RGL1: variants seen among roughly 807,000 people sequenced by gnomAD.
RGL1 encodes the protein ral guanine nucleotide dissociation stimulator like 1, also known as ral guanine nucleotide dissociation stimulator-like 1.
RGL1 carries 24 observed loss-of-function variants against 95.2 expected under a neutral mutation model. The observed-to-expected ratio is 0.25, with a 90% confidence interval of 0.18 to 0.35. The LOEUF (loss-of-function observed/expected upper bound fraction) is 0.35, where lower values mean the gene tolerates loss of function less well. Ranked by LOEUF, RGL1 falls within the 10% of genes least tolerant of loss-of-function variation. RGL1 has a pLI of 1.00. For synonymous variants in RGL1, 329 were observed against 344.9 expected (o/e 0.95, Z 0.51); for missense variants, 715 against 936.3 (o/e 0.76, Z 3.08).
chr1:183,679,114 G>A (rs1057479677), intron 1 of RGL1, among the ~76,000 whole-genome samples: 1 of 152,164 alleles, frequency 6.6e-6, no homozygotes, highest in African/African-American at 2.4e-5. Context: ...TGAGGGTCAG[G>A]TTGCTTCAGC....
intron 2 of RGL1, among the ~76,000 whole-genome samples, chr1:183,842,075 G>A (rs1664095502): frequency 6.6e-6 from 1 of 152,154 alleles, no homozygotes; most frequent in Admixed American, 6.5e-5. Flanking sequence ...TGAAAAGGAA[G>A]CATAAAACTT....
At chr1:183,650,312 G>A (rs895690115) in intron 1 of RGL1, among the ~76,000 whole-genome samples, 1 of 152,134 alleles carries the variant, frequency 6.6e-6, no homozygotes, top group Non-Finnish European at 1.5e-5. Flanking sequence ...GGGAGGCCAG[G>A]GTGGGCGGAT....
At chr1:183,838,572 A>G (rs1393429008) in intron 2 of RGL1, among the ~76,000 whole-genome samples, 1 of 152,186 alleles carries the variant, frequency 6.6e-6, no homozygotes, top group South Asian at 2.1e-4. Context: ...TTGGTTTGTC[A>G]TACACATGCC....
chr1:183,862,685 CAGAGGCA>C (rs1665581869), intron 3 of RGL1, among the ~76,000 whole-genome samples: 1 of 152,206 alleles, frequency 6.6e-6, no homozygotes, highest in African/African-American at 2.4e-5. Context: ...GATGCCTTTG[CAGAGGCA>C]AATCTGAACC....
At chr1:183,684,555 C>T (rs1035579394) in intron 1 of RGL1, among the ~76,000 whole-genome samples, 2 of 152,126 alleles carry the variant, frequency 1.3e-5, no homozygotes, top group East Asian at 1.9e-4. Flanking sequence ...TGAGCTAGAC[C>T]ATTTGCCTCC....
intron 3 of RGL1, among the ~76,000 whole-genome samples, chr1:183,852,330 A>G (rs3002649): frequency 0.8 from 121,391 of 152,120 alleles, 48,584 homozygotes; most frequent in Middle Eastern, 0.88. Flanking sequence ...AGCTAATTCC[A>G]TGTGTTTGCT....
intron 1 of RGL1, among the ~76,000 whole-genome samples, chr1:183,732,254 C>T (rs1443570278): frequency 6.6e-6 from 1 of 151,862 alleles, no homozygotes; most frequent in African/African-American, 2.4e-5. Context: ...TGGGAAATAG[C>T]AAGGTCAATC....
At chr1:183,683,874 T>C (rs1653388266) in intron 1 of RGL1, among the ~76,000 whole-genome samples, 1 of 152,196 alleles carries the variant, frequency 6.6e-6, no homozygotes, top group Non-Finnish European at 1.5e-5. Flanking sequence ...CTTTTCATTC[T>C]GTTTTCTCTA....
At chr1:183,662,326 C>G (rs1217039643) in intron 1 of RGL1, among the ~76,000 whole-genome samples, 2 of 151,422 alleles carry the variant, frequency 1.3e-5, no homozygotes, top group African/African-American at 2.4e-5. Flanking sequence ...TGTCTCAGCC[C>G]AAAATCTCCT....
At chr1:183,742,280 G>C in exon 2 of RGL1, 1 of 1,614,060 alleles carries the variant, frequency 6.2e-7, no homozygotes, top group Non-Finnish European at 8.5e-7. Context: ...AAGTTTTAAA[G>C]ACAGAGGAGG....
chr1:183,794,073 CA>C (rs1660573022), intron 2 of RGL1, among the ~76,000 whole-genome samples: 1 of 151,722 alleles, frequency 6.6e-6, no homozygotes. Flanking sequence ...CACACACACA[CA>C]CACACACACA....
At chr1:183,659,654 C>A (rs1226616248) in intron 1 of RGL1, among the ~76,000 whole-genome samples, 2 of 152,120 alleles carry the variant, frequency 1.3e-5, no homozygotes, top group African/African-American at 4.8e-5. Flanking sequence ...TCCAGGAGAA[C>A]TTCCCCAATC....
chr1:183,785,208 C>T (rs1660097462), intron 2 of RGL1, among the ~76,000 whole-genome samples: 2 of 152,348 alleles, frequency 1.3e-5, no homozygotes, highest in South Asian at 4.1e-4. Flanking sequence ...CCCCCACCCT[C>T]TTTGTCATCT....
exon 1 of RGL1, chr1:183,636,459 C>T (rs1649538547): frequency 3.1e-6 from 1 of 320,596 alleles, no homozygotes. Context: ...TCTGTCAGTG[C>T]TGTGTGACAG....
At chr1:183,916,729 G>A (rs776698734) in intron 16 of RGL1, 28 bp downstream of exon 16, 7 of 1,598,776 alleles carry the variant, frequency 4.4e-6, no homozygotes, top group South Asian at 1.1e-5. Context: ...ACCCAGGAGC[G>A]GGTTTCCATT....
rs1194141762 is a variant in RGL1, at chr1:183,888,576, A to G, written c.1054A>G (p.Arg352Gly). 1 of 1,600,606 alleles carries G rather than the reference A, an allele frequency of 6.2e-7. No individual in the cohort carries two copies. ...AAAAAAGACTTGGGCTGCCGTCCCA[A>G]GGTAAGTTCCCAAGTGTTTGCTCTG... ...RLKKTWAAVPRDRMLMFEELS... is the reference protein window; with the variant it reads ...RLKKTWAAVPGDRMLMFEELS... The change falls in exon 8 of 18, where the codon AGG becomes GGG. Residue 352 changes from arginine to glycine, a missense_variant and splice_region_variant. By Grantham distance (125) the Arg-to-Gly change is moderately radical. This residue lies in a region of RGL1 where 381 missense variants were observed against 484.8 expected (regional missense o/e 0.79). Coordinates refer to ENST00000360851, the MANE Select transcript of RGL1 (RefSeq NM_001297671.3).
At chr1:183,752,674 TTCTCTCTCTCTC>T (rs71130636) in intron 2 of RGL1, among the ~76,000 whole-genome samples, 24 of 31,316 alleles carry the variant, frequency 7.7e-4, no homozygotes, top group Non-Finnish European at 1.3e-3. Context: ...CTTTCTCTCT[TTCTCTCTCTCTC>T]TCTCTCTCTC....
chr1:183,695,779 G>A (rs1017104760), intron 1 of RGL1, among the ~76,000 whole-genome samples: 2 of 151,996 alleles, frequency 1.3e-5, no homozygotes, highest in South Asian at 2.1e-4. Context: ...TAACATTAAC[G>A]AAGCTATTTA....
chr1:183,908,225 C>T (rs923487636), intron 14 of RGL1, among the ~76,000 whole-genome samples: 22 of 152,206 alleles, frequency 1.4e-4, no homozygotes, highest in African/African-American at 5.1e-4. Context: ...ACTGTCTCTC[C>T]ACCTACTTCA....
Sources: gnomAD v4.1 joint callset for allele counts (sites outside exome capture counted in the v4.1 genomes callset) on GRCh38, gnomAD v4.1.1 for gene constraint, gnomAD v4.1.1 regional missense constraint, MANE v1.5 for transcripts, NCBI Gene and HGNC (gene_info 2026-07-23, HGNC 2026-07-21) for gene names.